Variants in SORCS1 observed in about 807,000 individuals in gnomAD.
SORCS1 encodes the protein sortilin related VPS10 domain containing receptor 1.
A neutral mutation model predicts 146.1 loss-of-function variants in SORCS1; 60 were observed. The ratio of observed to expected loss-of-function variants is 0.41; its 90% confidence interval spans 0.33 to 0.51. SORCS1 has a LOEUF of 0.51. Ranked by LOEUF, SORCS1 falls within the 20% of genes least tolerant of loss-of-function variation. The pLI is 0.21. For missense variants in SORCS1, 1,352 were observed against 1,487.6 expected, an observed-to-expected ratio of 0.91 and a Z score of 1.50; for synonymous variants, 637 against 584.0, an observed-to-expected ratio of 1.09 and a Z score of -1.31.
intron 2 of SORCS1, among the ~76,000 whole-genome samples, chr10:106,935,690 C>A (rs1953677396): frequency 6.6e-6 from 1 of 152,136 alleles, no homozygotes; most frequent in South Asian, 2.1e-4. Flanking sequence ...AATGAGAAGA[C>A]CAAGATTCTA....
intron 3 of SORCS1, among the ~76,000 whole-genome samples, chr10:106,794,242 C>G (rs1020804983): frequency 1.3e-5 from 2 of 152,156 alleles, no homozygotes; most frequent in Non-Finnish European, 2.9e-5. Flanking sequence ...ATAGAGAGGT[C>G]ATAAGCTTTC....
In SORCS1 at chr10:106,843,369, T is replaced by G. The variant is rs79731972; in HGVS notation, c.627-13696A>C. 2.8e-3 allele frequency among the ~76,000 whole-genome samples: 432 copies of G among 152,226 alleles called. 2 individuals carry two copies. Among genetic ancestry groups the G allele is most frequent in the African/African-American group, 8.9e-3 (369 of 41,550 alleles). The stretch of plus-strand genomic sequence containing the variant: ...ATCATTTGTCTTCCTATGTCTGGCT[T>G]ATCTCACTTAGCATAATGTTTTCCA... On this transcript the variant is annotated intron_variant, in intron 2 of 25. Coordinates refer to ENST00000263054, the MANE Select transcript of SORCS1 (RefSeq NM_052918.5).
At chr10:106,751,831 C>A (rs1442402947) in intron 5 of SORCS1, among the ~76,000 whole-genome samples, 1 of 152,026 alleles carries the variant, frequency 6.6e-6, no homozygotes, top group African/African-American at 2.4e-5. Flanking sequence ...TTTTAGTACC[C>A]TGTGTGTGTG....
chr10:107,019,167 T>C (rs1187591508), intron 1 of SORCS1, among the ~76,000 whole-genome samples: 1 of 152,236 alleles, frequency 6.6e-6, no homozygotes, highest in East Asian at 1.9e-4. Context: ...ACTGTATTTG[T>C]AGATTGTAGA....
At chr10:107,006,934 T>C (rs1197145992) in intron 1 of SORCS1, among the ~76,000 whole-genome samples, 3 of 152,274 alleles carry the variant, frequency 2.0e-5, no homozygotes, top group Non-Finnish European at 4.4e-5. Flanking sequence ...CAAATTTACA[T>C]ACTCAAATGC....
chr10:106,779,965 T>C (rs1860765722), intron 3 of SORCS1, among the ~76,000 whole-genome samples: 1 of 152,238 alleles, frequency 6.6e-6, no homozygotes, highest in Admixed American at 6.5e-5. Flanking sequence ...AATCTTATTA[T>C]TTTAGTCTTA....
chr10:106,868,271 T>A (rs1465954673), intron 2 of SORCS1, among the ~76,000 whole-genome samples: 2 of 152,084 alleles, frequency 1.3e-5, no homozygotes, highest in Non-Finnish European at 2.9e-5. Context: ...AACACCCCAC[T>A]GACAGTATTA....
chr10:106,885,286 G>T (rs1437280813), intron 2 of SORCS1, among the ~76,000 whole-genome samples: 1 of 113,768 alleles, frequency 8.8e-6, no homozygotes, highest in East Asian at 2.8e-4. Context: ...GGAGAAAATT[G>T]GGGGGGGGGA....
At chr10:106,752,607 T>G (rs920936036) in intron 5 of SORCS1, among the ~76,000 whole-genome samples, 11 of 152,176 alleles carry the variant, frequency 7.2e-5, no homozygotes, top group Non-Finnish European at 1.3e-4. Flanking sequence ...CTAGTTAGAT[T>G]CTTCCTCTTC....
chr10:107,025,873 C>A (rs896152648), intron 1 of SORCS1, among the ~76,000 whole-genome samples: 8 of 152,146 alleles, frequency 5.3e-5, no homozygotes, highest in African/African-American at 1.7e-4. Context: ...GTGGGAGGAC[C>A]AGCAAAGGGA....
intron 1 of SORCS1, among the ~76,000 whole-genome samples, chr10:107,120,869 G>T (rs752173101): frequency 6.6e-6 from 1 of 151,976 alleles, no homozygotes; most frequent in Non-Finnish European, 1.5e-5. Flanking sequence ...AAATCCCTAG[G>T]TTCTATGTTT....
intron 2 of SORCS1, among the ~76,000 whole-genome samples, chr10:106,875,575 C>A (rs1950562884): frequency 6.6e-6 from 1 of 152,154 alleles, no homozygotes; most frequent in South Asian, 2.1e-4. Flanking sequence ...TTTACATTCC[C>A]ACCAGCAGTG....
At chr10:107,140,702 C>T (rs1374337921) in intron 1 of SORCS1, among the ~76,000 whole-genome samples, 1 of 152,178 alleles carries the variant, frequency 6.6e-6, no homozygotes, top group Non-Finnish European at 1.5e-5. Flanking sequence ...TTCAAGACAT[C>T]TATAGCTCTA....
intron 2 of SORCS1, among the ~76,000 whole-genome samples, chr10:106,864,851 G>A (rs937405976): frequency 1.3e-5 from 2 of 152,196 alleles, no homozygotes; most frequent in Non-Finnish European, 2.9e-5. Flanking sequence ...CAGCACAACT[G>A]CTCTATGAAA....
At chr10:106,714,233 G>C (rs1043299869) in intron 6 of SORCS1, among the ~76,000 whole-genome samples, 2 of 140,990 alleles carry the variant, frequency 1.4e-5, no homozygotes, top group Non-Finnish European at 3.1e-5. Flanking sequence ...TCAATGCAAA[G>C]ATTCAACAAC....
chr10:106,917,685 C>T (rs1384120159), intron 2 of SORCS1, among the ~76,000 whole-genome samples: 1 of 152,218 alleles, frequency 6.6e-6, no homozygotes, highest in East Asian at 1.9e-4. Flanking sequence ...TGGGCAAAAT[C>T]TGCCCCTGAC....
the SORCS1 span, among the ~76,000 whole-genome samples, chr10:107,176,178 C>A: frequency 6.6e-6 from 1 of 151,956 alleles, no homozygotes; most frequent in African/African-American, 2.4e-5. Flanking sequence ...TTTTTTGATT[C>A]ATGAGTTATT....
In SORCS1 at chr10:106,607,208, A is replaced by T; in HGVS notation, c.3123T>A (p.Asp1041Glu). 1 of 1,614,100 alleles carries T rather than the reference A, an allele frequency of 6.2e-7. No homozygotes were observed. Among genetic ancestry groups the T allele is most frequent in the Non-Finnish European group, 8.5e-7 (1 of 1,179,966 alleles). ...TTGACCTTTTGTTTTCTCCAGCTGGATCCTGATAGGGTAGGACAAAGAGTT... is the reference window on the plus strand; with the variant it reads ...TTGACCTTTTGTTTTCTCCAGCTGGTTCCTGATAGGGTAGGACAAAGAGTT... ...TAELFVLPYQ[D>E]PAGENKRSTD... The change falls in exon 23 of 26, where the codon GAT becomes GAA. Residue 1041 changes from aspartate to glutamate, a missense_variant. Physicochemically the swap from Asp to Glu is conservative, Grantham distance 45. Coordinates refer to ENST00000263054, the MANE Select transcript of SORCS1 (RefSeq NM_052918.5).
At chr10:106,621,269 C>T (rs1050531443) in intron 19 of SORCS1, among the ~76,000 whole-genome samples, 1 of 152,088 alleles carries the variant, frequency 6.6e-6, no homozygotes, top group Non-Finnish European at 1.5e-5. Flanking sequence ...GATATGAATG[C>T]CCTCTTCATA....
Sources: allele counts gnomAD v4.1 joint callset (sites outside exome capture counted in the v4.1 genomes callset), GRCh38; gene constraint gnomAD v4.1.1; transcripts MANE v1.5; gene names NCBI Gene and HGNC (gene_info 2026-07-23, HGNC 2026-07-21).